The following RIMS3 variants were observed in gnomAD, a reference collection of about 807,000 sequenced individuals.
The protein encoded by RIMS3 is regulating synaptic membrane exocytosis 3.
RIMS3 carries 15 observed loss-of-function variants against 29.2 expected under a neutral mutation model. The ratio of observed to expected loss-of-function variants is 0.51; its 90% CI spans 0.34 to 0.79. The LOEUF is 0.79. RIMS3 is among the 30% of genes least tolerant of loss of function. RIMS3 has a pLI of 0.01. For synonymous variants in RIMS3, 161 were observed against 170.1 expected, an observed-to-expected ratio of 0.95 and a Z score of 0.41; for missense variants, 342 against 421.4, an observed-to-expected ratio of 0.81 and a Z score of 1.65.
At position 40,625,515 on chromosome 1, in the gene RIMS3, C is replaced by T. The variant is rs1372997994; in HGVS notation, c.*1002G>A. 6.6e-6 allele frequency: 1 copy of T among 152,396 alleles called. No homozygotes were observed. Among genetic ancestry groups the T allele is most frequent in the Non-Finnish European group, 1.5e-5 (1 of 68,154 alleles). 9.4% of individuals were successfully genotyped at this position (152,396 alleles called of 1,614,324 possible). On this transcript the variant is annotated 3_prime_UTR_variant, in exon 8 of 8. Coordinates refer to ENST00000372684, the MANE Select transcript of RIMS3 (RefSeq NM_014747.3). The stretch of plus-strand genomic sequence containing the variant: ...GGCGGGGAACAACTCAGCCTCAGCC[C>T]TCCTTATTCCAGCAAACAGCCCTAC...
intron 4 of RIMS3, 133 bp from the exon 5 acceptor site, chr1:40,633,314 A>G (rs1047489211): frequency 1.3e-4 from 80 of 639,720 alleles, no homozygotes; most frequent in Non-Finnish European, 2.0e-4. Flanking sequence ...TCCTCTAAAC[A>G]GTATGATTGC....
In RIMS3 at chr1:40,635,004, T is replaced by G. The variant is rs1646511230; in HGVS notation, c.359+912A>C. Among the ~76,000 whole-genome samples, 1 of 151,496 alleles carries G rather than the reference T, an allele frequency of 6.6e-6. No homozygotes were observed. The highest frequency in any genetic ancestry group is 2.1e-4 in the South Asian group (1 of 4,814). On this transcript the variant is annotated intron_variant, in intron 4 of 7. Coordinates refer to ENST00000372684, the MANE Select transcript of RIMS3 (RefSeq NM_014747.3). The surrounding 1 kb of genome is among the most constrained non-coding windows in gnomAD (Gnocchi z 4.1). ...CCTGGTCTGATCACAGCCAGCAGAT[T>G]CCAGTGTAAGAATCACCTATCTGAG... is the stretch of plus-strand genomic sequence containing the variant.
At chr1:40,684,885 A>G in the RIMS3 span, among the ~76,000 whole-genome samples, 1 of 152,186 alleles carries the variant, frequency 6.6e-6, no homozygotes, top group Non-Finnish European at 1.5e-5. Context: ...CAGGAAGCCA[A>G]ATCCCACGCT....
In RIMS3 at chr1:40,629,032, T is replaced by G. The variant is rs145895959; in HGVS notation, c.575-83A>C. 2.4e-4 allele frequency: 372 copies of G among 1,554,870 alleles called. 5 individuals are homozygous for G. The African/African-American group carries it at 4.4e-3, about 19-fold the overall frequency. ...CCCATCCCCTAACTGCCAGGTGATC[T>G]TGGAGGTGAGCAGGATGTGTGGAAT... On this transcript the variant is annotated intron_variant, in intron 6 of 7. Coordinates refer to ENST00000372684, the MANE Select transcript of RIMS3 (RefSeq NM_014747.3).
At chr1:40,664,170 AAAC>A (rs1642392419) in intron 1 of RIMS3, among the ~76,000 whole-genome samples, 1 of 152,110 alleles carries the variant, frequency 6.6e-6, no homozygotes, top group African/African-American at 2.4e-5. Context: ...GGCCCTAAAC[AAAC>A]AACAAAGGGC....
intron 1 of RIMS3, among the ~76,000 whole-genome samples, chr1:40,661,805 GC>G: frequency 6.6e-6 from 1 of 152,342 alleles, no homozygotes; most frequent in Non-Finnish European, 1.5e-5. Flanking sequence ...TGGGATGTGG[GC>G]ACAGAGCAGC....
intron 2 of RIMS3, among the ~76,000 whole-genome samples, chr1:40,643,937 C>T (rs1186526325): frequency 6.6e-6 from 1 of 152,150 alleles, no homozygotes; most frequent in East Asian, 1.9e-4. Context: ...GTCCAGGTAC[C>T]ACCCACCCCT....
At chr1:40,686,735 A>T in the RIMS3 span, among the ~76,000 whole-genome samples, 1 of 152,156 alleles carries the variant, frequency 6.6e-6, no homozygotes, top group Admixed American at 6.5e-5. Context: ...AGTCCTTACA[A>T]TCTTTCCTTG....
chr1:40,691,763 T>G, the RIMS3 span: 1 of 455,364 alleles, frequency 2.2e-6, no homozygotes, highest in Admixed American at 2.4e-5. Flanking sequence ...CCGTTCTCCG[T>G]GACGCACACT....
At chr1:40,691,587 CCTCT>C in the RIMS3 span, 1 of 341,952 alleles carries the variant, frequency 2.9e-6, no homozygotes, top group African/African-American at 2.2e-5. Context: ...ATTCCGCCTC[CCTCT>C]GTCGTCGCCC....
chr1:40,675,278 A>G, the RIMS3 span, among the ~76,000 whole-genome samples: 1 of 148,696 alleles, frequency 6.7e-6, no homozygotes, highest in Non-Finnish European at 1.5e-5. Context: ...TGTCTCAGGA[A>G]AAAAAAAAAA....
chr1:40,633,295 C>T (rs951503457), intron 4 of RIMS3, 114 bp from the exon 5 acceptor site: 1 of 720,284 alleles, frequency 1.4e-6, no homozygotes, highest in Non-Finnish European at 2.4e-6. Context: ...CCCTCTGTGC[C>T]TCAGTTTCTC....
the RIMS3 span, chr1:40,691,685 A>T: frequency 1.6e-5 from 7 of 450,406 alleles, no homozygotes; most frequent in Middle Eastern, 6.5e-4. Context: ...GGGAGGGGGA[A>T]GGGAAAAGGG....
In RIMS3 at chr1:40,623,579, G is replaced by A. The variant is rs755783871; in HGVS notation, c.*2938C>T. The A allele has an allele frequency of 2.6e-4, 105 of 398,508 alleles. No homozygotes were observed. Among genetic ancestry groups the A allele is most frequent in the Non-Finnish European group, 4.1e-4 (93 of 226,140 alleles). 24.7% of individuals were successfully genotyped at this position (398,508 alleles called of 1,614,324 possible). ...TGCAGGGTTTCATCTGGGCAAGGGG[G>A]CATTTGGAGCCGGGACACTGAACAT... On this transcript the variant is annotated 3_prime_UTR_variant, in exon 8 of 8. Coordinates refer to ENST00000372684, the MANE Select transcript of RIMS3 (RefSeq NM_014747.3).
intron 3 of RIMS3, 52 bp downstream of exon 3, chr1:40,641,657 T>C: frequency 1.3e-6 from 2 of 1,570,326 alleles, no homozygotes; most frequent in Non-Finnish European, 1.7e-6. Context: ...GGGTAGTCTG[T>C]CTTTGCGAAG....
chr1:40,633,431 T>C (rs924969883), intron 4 of RIMS3, among the ~76,000 whole-genome samples: 11 of 152,272 alleles, frequency 7.2e-5, no homozygotes, highest in South Asian at 2.1e-4. Context: ...AATGATGCTA[T>C]TTAATCCTTA....
intron 1 of RIMS3, 66 bp downstream of exon 1, chr1:40,665,328 G>C (rs138691478): frequency 0.016 from 2,342 of 150,350 alleles, 29 homozygotes; most frequent in Non-Finnish European, 0.025. Context: ...TCCCCCCGTG[G>C]TCCTCCAGAC....
At chr1:40,645,398 G>C (rs1646587805) in intron 2 of RIMS3, among the ~76,000 whole-genome samples, 1 of 152,162 alleles carries the variant, frequency 6.6e-6, no homozygotes, top group African/African-American at 2.4e-5. Flanking sequence ...GTTCATACTA[G>C]CCAGCTAAGA....
intron 1 of RIMS3, among the ~76,000 whole-genome samples, chr1:40,659,673 G>A (rs532619801): frequency 1.4e-4 from 21 of 152,360 alleles, no homozygotes; most frequent in East Asian, 9.6e-4. Flanking sequence ...AAGGTCCTCT[G>A]GAGCAGGGTG....
Sources: gnomAD v4.1 joint callset for allele counts (sites outside exome capture counted in the v4.1 genomes callset) on GRCh38, gnomAD v4.1.1 for gene constraint, Gnocchi (gnomAD v3.1) non-coding constraint, MANE v1.5 for transcripts, NCBI Gene and HGNC (gene_info 2026-07-23, HGNC 2026-07-21) for gene names.